The following RARS1 variants were observed in gnomAD, a reference collection of about 807,000 sequenced individuals.
RARS1 encodes arginyl-tRNA synthetase 1.
RARS1 carries 75 observed loss-of-function variants against 78.7 expected under a neutral mutation model. The observed-to-expected ratio is 0.95, with a 90% CI of 0.79 to 1.15. The LOEUF (loss-of-function observed/expected upper bound fraction) is 1.15, where lower values mean the gene tolerates loss of function less well. Ranked by LOEUF, RARS1 falls within the 50% of genes most tolerant of loss-of-function variation. The pLI is 0.00. For missense variants in RARS1, 787 were observed against 787.5 expected, an observed-to-expected ratio of 1.00 and a Z score of 0.01; for synonymous variants, 273 against 268.2, an observed-to-expected ratio of 1.02 and a Z score of -0.18.
At chr5:168,487,106 T>A (rs1757981721) in intron 1 of RARS1, among the ~76,000 whole-genome samples, 1 of 152,076 alleles carries the variant, frequency 6.6e-6, no homozygotes, top group Admixed American at 6.5e-5. Flanking sequence ...CTCATGCCTG[T>A]AATCCCAGCA....
chr5:168,486,924 G>A lies in RARS1; in HGVS notation c.45+381G>A, dbSNP rs191292850. Among the ~76,000 whole-genome samples, 897 of 152,290 alleles carry A rather than the reference G, an allele frequency of 5.9e-3. 12 individuals carry two copies. The highest frequency in any genetic ancestry group is 0.021 in the African/African-American group (855 of 41,548). On this transcript the variant is annotated intron_variant, in intron 1 of 14. Transcript: ENST00000231572. ...GGGGGGAATACATTCAGAGCTCTGG[G>A]TCTTGGTTTGCAGCTCAGCCGCAGT...
chr5:168,510,795 C>A, intron 12 of RARS1, 109 bp downstream of exon 12: 1 of 682,334 alleles, frequency 1.5e-6, no homozygotes, highest in Non-Finnish European at 2.4e-6. Flanking sequence ...CCACCTAGGA[C>A]AAGGCTTATA....
intron 14 of RARS1, among the ~76,000 whole-genome samples, 171 bp downstream of exon 14, chr5:168,518,233 G>A (rs964456723): frequency 4.0e-5 from 6 of 151,542 alleles, no homozygotes; most frequent in Non-Finnish European, 8.8e-5. Flanking sequence ...ACACACGTGT[G>A]AGCCACTGCA....
chr5:168,508,785 G>A (rs1758503801), intron 11 of RARS1, among the ~76,000 whole-genome samples: 1 of 151,310 alleles, frequency 6.6e-6, no homozygotes, highest in Non-Finnish European at 1.5e-5. Context: ...GCTATTCCTT[G>A]TACATCTGTT....
chr5:168,498,272 T>C (rs971245707), intron 7 of RARS1, among the ~76,000 whole-genome samples: 18 of 152,038 alleles, frequency 1.2e-4, no homozygotes, highest in African/African-American at 4.3e-4. Flanking sequence ...AAAAAATGAA[T>C]TATACCACAT....
Position 168,502,046 on chromosome 5 carries a change from GA to G in RARS1, c.999del (p.Glu335AsnfsTer8). On this transcript the variant is annotated frameshift_variant, in exon 9 of 15. Coordinates refer to ENST00000231572, the MANE Select transcript of RARS1 (RefSeq NM_002887.4). LOFTEE classifies it high-confidence loss of function. Reference protein sequence around the residue: ...YDALDVSLIERGESFYQDRMN... With the variant: ...YDALDVSLIEXGESFYQDRMN... ...GCATTGGACGTCTCTTTAATAGAGA[GA>G]GGGGAATCCTTCTATCAAGATAGGA... is the stretch of plus-strand genomic sequence containing the variant. The G allele has an allele frequency of 1.9e-6, 3 of 1,604,934 alleles. No individual in the cohort carries two copies. The highest frequency in any genetic ancestry group is 2.6e-6 in the Non-Finnish European group (3 of 1,175,866).
chr5:168,504,756 C>A (rs1221899536), intron 9 of RARS1, among the ~76,000 whole-genome samples: 1 of 150,386 alleles, frequency 6.6e-6, no homozygotes, highest in East Asian at 2.0e-4. Flanking sequence ...ACCCGGGAGG[C>A]AGAGCTTGCA....
chr5:168,492,707 A>T lies in RARS1; in HGVS notation c.229A>T (p.Ile77Phe), dbSNP rs887796023. ...NKPTKNMINI[I>F]SRLQEVFGHA... Reference sequence around the variant, plus strand: ...ACCAACTAAAAATATGATTAACATTATTAGCCGCCTACAAGAGGTCTTTGG... The same window carrying T: ...ACCAACTAAAAATATGATTAACATTTTTAGCCGCCTACAAGAGGTCTTTGG... The change falls in exon 3 of 15, where the codon ATT (isoleucine) becomes TTT (phenylalanine). Residue 77 changes from isoleucine (I) to phenylalanine (F), a missense_variant. By Grantham distance (21) the Ile-to-Phe change is conservative. Coordinates refer to ENST00000231572, the MANE Select transcript of RARS1 (RefSeq NM_002887.4). 6.2e-7 allele frequency: 1 copy of T among 1,612,122 alleles called. No individual in the cohort carries two copies. The highest frequency in any genetic ancestry group is 2.2e-5 in the East Asian group (1 of 44,852).
chr5:168,497,107 C>G, intron 6 of RARS1, 121 bp from the exon 7 acceptor site: 1 of 763,122 alleles, frequency 1.3e-6, no homozygotes. Context: ...ACAGATATTA[C>G]TAAATGGTGA....
Position 168,517,845 on chromosome 5 carries a change from AG to A in RARS1, c.1657del (p.Glu553LysfsTer22). The A allele has an allele frequency of 6.2e-7, 1 of 1,613,932 alleles. No individual in the cohort carries two copies. The highest frequency in any genetic ancestry group is 8.5e-7 in the Non-Finnish European group (1 of 1,179,980). On this transcript the variant is annotated frameshift_variant, in exon 14 of 15. Transcript: ENST00000231572. LOFTEE classifies it high-confidence loss of function. ...TTGCACGTCTGGCCAATATTGATGA[AG>A]AAATGCTCCAAAAAGCTGCTCGAGA... ...SIARLANIDE[E>X]MLQKAARETK...
In RARS1 at chr5:168,518,071, C is replaced by CTTTTTT. The variant is rs747777615; in HGVS notation, c.1873+28_1873+33dup. 4.0e-3 allele frequency: 2,960 copies of CTTTTTT among 747,650 alleles called. 262 individuals carry two copies. Among genetic ancestry groups the CTTTTTT allele is most frequent in the African/African-American group, 9.3e-3 (200 of 21,420 alleles). The allele number at this position is 747,650 out of a possible 1,614,324, so 46.3% of individuals were successfully genotyped here. ...GAAAGATAGACAGACTGGTGAGTGT[C>CTTTTTT]TTTTTTTTTTTTTTTTTTTTTTTTA... On this transcript the variant is annotated intron_variant, in intron 14 of 14. Transcript: ENST00000231572.
At position 168,492,639 on chromosome 5, in the gene RARS1, T is replaced by C; in HGVS notation, c.181-20T>C. 6.5e-7 allele frequency: 1 copy of C among 1,544,756 alleles called. No homozygotes were observed. The highest frequency in any genetic ancestry group is 8.9e-7 in the Non-Finnish European group (1 of 1,121,090). On this transcript the variant is annotated intron_variant, in intron 2 of 14. Transcript: ENST00000231572. ...TGGTTTTACGTACATTATTGACATGTTTCCATTCTTTTCCTACAGAGTCTT... is the reference window on the plus strand; with the variant it reads ...TGGTTTTACGTACATTATTGACATGCTTCCATTCTTTTCCTACAGAGTCTT...
At chr5:168,494,290 T>C in intron 4 of RARS1, 1 of 985,424 alleles carries the variant, frequency 1.0e-6, no homozygotes, top group South Asian at 4.7e-5. Context: ...GGCCTTCTGT[T>C]TTCTGTTAAG....
intron 2 of RARS1, among the ~76,000 whole-genome samples, chr5:168,491,739 A>G (rs1415760967): frequency 1.3e-5 from 2 of 152,242 alleles, no homozygotes; most frequent in Non-Finnish European, 2.9e-5. Context: ...GATAATGCAT[A>G]TAAATAAAGC....
chr5:168,495,069 G>T, intron 5 of RARS1: 1 of 558,282 alleles, frequency 1.8e-6, no homozygotes, highest in Non-Finnish European at 2.7e-6. Flanking sequence ...AGATATCACT[G>T]AAATAGAATG....
chr5:168,512,927 G>A (rs1758593739), intron 12 of RARS1, among the ~76,000 whole-genome samples: 1 of 152,232 alleles, frequency 6.6e-6, no homozygotes, highest in Non-Finnish European at 1.5e-5. Flanking sequence ...TTTAGTCAGT[G>A]TTTTTTATTT....
At chr5:168,496,373 T>C (rs995998074) in intron 6 of RARS1, among the ~76,000 whole-genome samples, 6 of 93,788 alleles carry the variant, frequency 6.4e-5, no homozygotes, top group African/African-American at 2.8e-4. Context: ...AGCAAGACTC[T>C]CTGTCAAAAA....
Position 168,514,559 on chromosome 5 carries a change from G to A in RARS1, c.1453-2219G>A, listed in dbSNP as rs924812969. Among the ~76,000 whole-genome samples, 5 of 151,748 alleles carry A rather than the reference G, an allele frequency of 3.3e-5. 1 individual carries two copies. The highest frequency in any genetic ancestry group is 4.2e-4 in the South Asian group (2 of 4,810). On this transcript the variant is annotated intron_variant, in intron 12 of 14. Transcript: ENST00000231572. ...TAGTTTTCTTTAAACATTTTAAAAC[G>A]GTTTTAGACATAAAAAAGTTGCAAG... is the stretch of plus-strand genomic sequence containing the variant.
rs746165216 is a variant in RARS1, at chr5:168,505,983, C to T, written c.1058-38C>T. On this transcript the variant is annotated intron_variant, in intron 9 of 14. Coordinates refer to ENST00000231572, the MANE Select transcript of RARS1 (RefSeq NM_002887.4). Reference sequence around the variant, plus strand: ...TAAGCATTCATTTTCCTTCAGGGTTCTTTTAACTTTATTAATGAAGTGTTT... The same window carrying T: ...TAAGCATTCATTTTCCTTCAGGGTTTTTTTAACTTTATTAATGAAGTGTTT... 2.0e-6 allele frequency: 3 copies of T among 1,526,552 alleles called. No individual in the cohort carries two copies. In the African/African-American group the frequency reaches 4.2e-5, roughly 21 times the overall value. 94.6% of individuals were successfully genotyped at this position (1,526,552 alleles called of 1,614,324 possible). A position where few individuals can be genotyped will look rare whatever the true frequency, so the allele number is the denominator to read the frequency against.
Sources: gnomAD v4.1 joint callset for allele counts (sites outside exome capture counted in the v4.1 genomes callset) on GRCh38, gnomAD v4.1.1 for gene constraint, MANE v1.5 for transcripts, NCBI Gene and HGNC (gene_info 2026-07-23, HGNC 2026-07-21) for gene names.